The following MEGF8 variants were observed in gnomAD, a reference collection of about 807,000 sequenced individuals.
MEGF8 encodes multiple epidermal growth factor-like domains protein 8.
A neutral mutation model predicts 302.9 loss-of-function variants in MEGF8; 156 were observed. The ratio of observed to expected loss-of-function variants is 0.52; its 90% CI spans 0.45 to 0.59. The LOEUF (loss-of-function observed/expected upper bound fraction) is 0.59, where lower values mean the gene tolerates loss of function less well. Among genes scored for constraint, MEGF8 ranks in the 20% least tolerant of loss-of-function variants. The pLI is 0.00. For synonymous variants in MEGF8, 1,621 were observed against 1,660.5 expected (o/e 0.98, Z 0.58); for missense variants, 3,345 against 3,964.5 (o/e 0.84, Z 4.20).
intron 9 of MEGF8, 41 bp from the exon 10 acceptor site, chr19:42,343,913 C>CGTCCCCTTGCCTCCCCCTGT: frequency 6.3e-7 from 1 of 1,599,552 alleles, no homozygotes; most frequent in Non-Finnish European, 8.5e-7. Flanking sequence ...CCTCCTCCTC[C>CGTCCCCTTGCCTCCCCCTGT]GTCCCCTTGC....
In MEGF8 at chr19:42,356,902, TG is replaced by T. The variant is rs769979815; in HGVS notation, c.4757del (p.Gly1586AspfsTer144). The T allele has an allele frequency of 6.2e-7, 1 of 1,609,560 alleles. No individual in the cohort carries two copies. Among genetic ancestry groups the T allele is most frequent in the African/African-American group, 1.3e-5 (1 of 74,986 alleles). ...VPAGRGAMYL[L>X]GGLTAGGVTR... ...GCTGGCCGTGGTGCCATGTATCTGC[TG>T]GGGGGACTTACCGCTGGAGGCGTCA... On this transcript the variant is annotated frameshift_variant, in exon 27 of 42. Coordinates refer to ENST00000251268, the MANE Select transcript of MEGF8 (RefSeq NM_001271938.2). LOFTEE classifies it high-confidence loss of function. The surrounding 1 kb of genome is among the most constrained non-coding windows in gnomAD (Gnocchi z 5.2).
At position 42,376,811 on chromosome 19, in the gene MEGF8, C is replaced by T. The variant is rs1489937787; in HGVS notation, c.*36C>T. 9.2e-6 allele frequency: 13 copies of T among 1,420,632 alleles called. No individual in the cohort carries two copies. The highest frequency in any genetic ancestry group is 1.2e-5 in the Non-Finnish European group (13 of 1,091,226). The allele number at this position is 1,420,632 out of a possible 1,614,324, so 88.0% of individuals were successfully genotyped here. A position where few individuals can be genotyped will look rare whatever the true frequency, so the allele number is the denominator to read the frequency against. On this transcript the variant is annotated 3_prime_UTR_variant, in exon 42 of 42. Coordinates refer to ENST00000251268, the MANE Select transcript of MEGF8 (RefSeq NM_001271938.2). This position sits in a 1 kb window ranked among gnomAD's most constrained non-coding sequence, Gnocchi z 8.2. ...GTTCTCATCCACAGCAGCTGGGTCA[C>T]CTGATAGGGCCGCCCTGGACTTGGG...
At chr19:42,337,820 T>A (rs552545444) in intron 8 of MEGF8, among the ~76,000 whole-genome samples, 118 of 151,868 alleles carry the variant, frequency 7.8e-4, no homozygotes, top group Non-Finnish European at 1.6e-3. Context: ...TTCTTTTTTT[T>A]TGAGAGGGAG....
chr19:42,370,214 C>A lies in MEGF8; in HGVS notation c.6860C>A (p.Pro2287Gln). 6.2e-7 allele frequency: 1 copy of A among 1,613,362 alleles called. No homozygotes were observed. Among genetic ancestry groups the A allele is most frequent in the Non-Finnish European group, 8.5e-7 (1 of 1,179,766 alleles). ...GGCAGCCACTGTGAGCAGTGCCTCC[C>A]GCTGTTTGTGGGTTCAGCTGTCGGA... ...TKGSHCEQCL[P>Q]LFVGSAVGGG... Residue 2287 changes from proline (P) to glutamine (Q), a missense_variant, in exon 39 of 42, where the codon CCG becomes CAG. By Grantham distance (76) the Pro-to-Gln change is moderately conservative. Coordinates refer to ENST00000251268, the MANE Select transcript of MEGF8 (RefSeq NM_001271938.2).
rs892826789 is a variant in MEGF8 at position 42,376,896 on chromosome 19, C to T, written c.*121C>T. On this transcript the variant is annotated 3_prime_UTR_variant, in exon 42 of 42. Transcript: ENST00000251268. This position sits in a 1 kb window ranked among gnomAD's most constrained non-coding sequence, Gnocchi z 8.2. ...CTTGGAGACCACTGGCCCCCTTCCC[C>T]CAGGGTTGCCCAGATGGGGCCTCCT... The T allele has an allele frequency of 3.5e-6, 4 of 1,140,150 alleles. No homozygotes were observed. The highest frequency in any genetic ancestry group is 3.2e-5 in the African/African-American group (2 of 62,270). 70.6% of individuals were successfully genotyped at this position (1,140,150 alleles called of 1,614,324 possible).
chr19:42,374,457 C>A (rs571458573), intron 41 of MEGF8, among the ~76,000 whole-genome samples: 2 of 137,248 alleles, frequency 1.5e-5, no homozygotes, highest in Non-Finnish European at 3.0e-5. Context: ...GGCAACAGAG[C>A]GAGACTCTGT....
At chr19:42,341,840 C>G (rs1214268267) in intron 8 of MEGF8, among the ~76,000 whole-genome samples, 1 of 152,144 alleles carries the variant, frequency 6.6e-6, no homozygotes, top group Non-Finnish European at 1.5e-5. Flanking sequence ...CTCATTAAAT[C>G]AGACACTGCT....
Position 42,358,954 on chromosome 19 carries a change from G to A in MEGF8, c.5343G>A (p.Glu1781=), listed in dbSNP as rs768179223. 6.7e-5 allele frequency: 107 copies of A among 1,608,762 alleles called. No individual in the cohort carries two copies. The highest frequency in any genetic ancestry group is 1.2e-4 in the Admixed American group (7 of 59,036). ...FLEEISPHLK[E]PRPRLFHASA... is the part of the protein sequence containing the mutation. ...AGGAAATCTCACCTCACCTGAAGGA[G>A]GTGAGATTTGAAGAGGGTTAGGATT... The change falls in exon 30 of 42, where the codon GAG becomes GAA. Residue 1781 remains glutamate, a splice_region_variant and synonymous_variant. Transcript: ENST00000251268. This position sits in a 1 kb window ranked among gnomAD's most constrained non-coding sequence, Gnocchi z 4.4.
Position 42,358,177 on chromosome 19 carries a change from C to A in MEGF8, c.5045C>A (p.Ala1682Asp). Residue 1682 changes from alanine to aspartate, a missense_variant, in exon 29 of 42, where the codon GCC becomes GAC. Ala to Asp is a moderately radical substitution (Grantham distance 126, BLOSUM62 -2). Coordinates refer to ENST00000251268, the MANE Select transcript of MEGF8 (RefSeq NM_001271938.2). The surrounding 1 kb of genome is among the most constrained non-coding windows in gnomAD (Gnocchi z 4.4). ...GGTCACTCTGCTGTCTACCACGAGG[C>A]CACCGACTCCCTCTACGTGTTTGGG... ...LYGHSAVYHEATDSLYVFGGF... is the reference protein window; with the variant it reads ...LYGHSAVYHEDTDSLYVFGGF... The A allele has an allele frequency of 6.3e-7, 1 of 1,599,004 alleles. No individual in the cohort carries two copies. Among genetic ancestry groups the A allele is most frequent in the Non-Finnish European group, 8.5e-7 (1 of 1,173,482 alleles).
At position 42,355,845 on chromosome 19, in the gene MEGF8, G is replaced by A. The variant is rs766442833; in HGVS notation, c.4232G>A (p.Gly1411Asp). 1.9e-6 allele frequency: 3 copies of A among 1,567,376 alleles called. No individual in the cohort carries two copies. In the South Asian group the frequency reaches 3.5e-5, roughly 18 times the overall value. Reference protein sequence around the residue: ...SVGSARCGSGGPGSCPVPQEC... With the variant: ...SVGSARCGSGDPGSCPVPQEC... ...GGCTCTGCCCGCTGTGGGTCAGGGG[G>A]CCCCGGGAGCTGTCCCGTCCCCCAG... The change falls in exon 24 of 42, where the codon GGC (glycine) becomes GAC (aspartate). Residue 1411 changes from glycine (G) to aspartate (D), a missense_variant. Physicochemically the swap from Gly to Asp is moderately conservative, Grantham distance 94 (BLOSUM62 -1). Coordinates refer to ENST00000251268, the MANE Select transcript of MEGF8 (RefSeq NM_001271938.2).
At chr19:42,366,430 A>ATTTTGTGATCCACCTGC (rs1286590161) in intron 35 of MEGF8, among the ~76,000 whole-genome samples, 3 of 152,094 alleles carry the variant, frequency 2.0e-5, no homozygotes, top group African/African-American at 7.2e-5. Context: ...CGAACTCCTG[A>ATTTTGTGATCCACCTGC]CTTTGTGATC....
chr19:42,371,086 G>A (rs2039685276), intron 40 of MEGF8, among the ~76,000 whole-genome samples: 1 of 152,042 alleles, frequency 6.6e-6, no homozygotes, highest in South Asian at 2.1e-4. Flanking sequence ...ACAAGATGGG[G>A]CGGCTGAGGG....
In MEGF8 at chr19:42,362,502, C is replaced by A. The variant is rs1464021238; in HGVS notation, c.5963C>A (p.Ala1988Glu). Residue 1988 changes from alanine (A) to glutamate (E), a missense_variant, in exon 34 of 42, where the codon GCA (alanine) becomes GAA (glutamate). By Grantham distance (107) the Ala-to-Glu change is moderately radical. Coordinates refer to ENST00000251268, the MANE Select transcript of MEGF8 (RefSeq NM_001271938.2). ...ATCAACCAGCGAGAGGTCTTCTGGG[C>A]AGGGAACTGCTCCGAGGCTGCGTGC... The part of the protein sequence containing the change: ...CRINQREVFW[A>E]GNCSEAACGA... 3.1e-6 allele frequency: 5 copies of A among 1,613,766 alleles called. No individual in the cohort carries two copies. The highest frequency in any genetic ancestry group is 4.2e-6 in the Non-Finnish European group (5 of 1,179,902).
chr19:42,345,105 G>A (rs1435642602), intron 12 of MEGF8, among the ~76,000 whole-genome samples: 1 of 152,104 alleles, frequency 6.6e-6, no homozygotes, highest in East Asian at 1.9e-4. Flanking sequence ...CTGAGTAGCC[G>A]AGATTACAGA....
chr19:42,353,239 G>C lies in MEGF8; in HGVS notation c.3550+112G>C, dbSNP rs2039402281. On this transcript the variant is annotated intron_variant, in intron 20 of 41. Transcript: ENST00000251268. This position sits in a 1 kb window ranked among gnomAD's most constrained non-coding sequence, Gnocchi z 6.1. The stretch of plus-strand genomic sequence containing the variant: ...CTCAGTGTCCTCTCATGCAGCTCTA[G>C]GTCCCCTGCCCCATTCCTGTTCCTG... The C allele has an allele frequency of 8.9e-7, 1 of 1,118,700 alleles. No homozygotes were observed. The highest frequency in any genetic ancestry group is 1.2e-6 in the Non-Finnish European group (1 of 800,722). 69.3% of individuals were successfully genotyped at this position (1,118,700 alleles called of 1,614,324 possible).
chr19:42,343,719 C>T (rs958437217), intron 9 of MEGF8, 88 bp downstream of exon 9: 8 of 1,451,356 alleles, frequency 5.5e-6, no homozygotes, highest in Non-Finnish European at 7.3e-6. Context: ...GAGGGGATCC[C>T]TGGGAGAAGG....
rs373610002 is a variant in MEGF8 at position 42,367,434 on chromosome 19, G to A, written c.6274-1021G>A. ...CTCCTGCGTAGCTGGGACTACAGGC[G>A]CCCGCCACCACGCCTGGCTAATTTT... is the stretch of plus-strand genomic sequence containing the variant. On this transcript the variant is annotated intron_variant, in intron 35 of 41. Transcript: ENST00000251268. Among the ~76,000 whole-genome samples, 8 of 152,034 alleles carry A rather than the reference G, an allele frequency of 5.3e-5. No homozygotes were observed. In the East Asian group the frequency reaches 9.7e-4, roughly 18 times the overall value.
rs1223552009 is a variant in MEGF8 at position 42,368,175 on chromosome 19, C to T, written c.6274-280C>T. 6.6e-6 allele frequency among the ~76,000 whole-genome samples: 1 copy of T among 152,196 alleles called. No homozygotes were observed. Among genetic ancestry groups the T allele is most frequent in the Non-Finnish European group, 1.5e-5 (1 of 68,044 alleles). ...TCAAGTGATCCTCCCACTGTAGCCT[C>T]CCAAAGTATTGGGATTACAGGTGTG... On this transcript the variant is annotated intron_variant, in intron 35 of 41. Transcript: ENST00000251268. This position sits in a 1 kb window ranked among gnomAD's most constrained non-coding sequence, Gnocchi z 4.9.
intron 30 of MEGF8, 27 bp from the exon 31 acceptor site, chr19:42,359,071 T>TCCCCCCCCCCCCCCGCTC: frequency 6.6e-7 from 1 of 1,504,408 alleles, no homozygotes; most frequent in Non-Finnish European, 8.9e-7. Flanking sequence ...GGCTGTCCTG[T>TCCCCCCCCCCCCCCGCTC]CCCCCCACCC....
Sources: gnomAD v4.1 joint callset for allele counts (sites outside exome capture counted in the v4.1 genomes callset) on GRCh38, gnomAD v4.1.1 for gene constraint, Gnocchi (gnomAD v3.1) non-coding constraint, MANE v1.5 for transcripts, NCBI Gene and HGNC (gene_info 2026-07-23, HGNC 2026-07-21) for gene names.